The following HECW1 variants were observed in gnomAD, a reference collection of about 807,000 sequenced individuals.
HECW1 encodes E3 ubiquitin-protein ligase HECW1.
HECW1 carries 61 observed loss-of-function variants against 182.3 expected under a neutral mutation model. That is an observed-to-expected ratio of 0.33 (90% CI 0.27 to 0.41). The LOEUF (loss-of-function observed/expected upper bound fraction) is 0.41. Ranked by LOEUF, HECW1 falls within the 10% of genes least tolerant of loss-of-function variation. The pLI is 1.00. For synonymous variants in HECW1, 859 were observed against 832.6 expected (o/e 1.03, Z -0.55); for missense variants, 1,739 against 2,108.9 (o/e 0.82, Z 3.44).
chr7:43,285,228 A>G (rs1285829428), intron 3 of HECW1, among the ~76,000 whole-genome samples: 2 of 152,204 alleles, frequency 1.3e-5, no homozygotes, highest in African/African-American at 2.4e-5. Flanking sequence ...TTAGATATGT[A>G]GACAAACTGG....
At chr7:43,313,522 A>G (rs1040232184) in intron 4 of HECW1, among the ~76,000 whole-genome samples, 4 of 152,256 alleles carry the variant, frequency 2.6e-5, no homozygotes, top group Admixed American at 2.6e-4. Context: ...TTTTTAGTAC[A>G]GACAGGGTTT....
Position 43,299,170 on chromosome 7 carries a change from A to G in HECW1, c.28-12593A>G, listed in dbSNP as rs373068120. Among the ~76,000 whole-genome samples, 163 of 152,380 alleles carry G rather than the reference A, an allele frequency of 1.1e-3. 3 individuals carry two copies. The Middle Eastern group carries it at 0.014, about 13-fold the overall frequency. On this transcript the variant is annotated intron_variant, in intron 3 of 29. Coordinates refer to ENST00000395891, the MANE Select transcript of HECW1 (RefSeq NM_015052.5). ...GTGAGATGATAATCATCGGTTTGCC[A>G]TCTGATAATTGCTACAGAGAGTCAA...
At chr7:43,492,625 G>A (rs942095268) in intron 18 of HECW1, among the ~76,000 whole-genome samples, 4 of 152,082 alleles carry the variant, frequency 2.6e-5, no homozygotes, top group African/African-American at 7.2e-5. Context: ...CACTTGTATC[G>A]AGGAAAATGA....
chr7:43,491,374 G>A (rs1938148749), intron 17 of HECW1, among the ~76,000 whole-genome samples: 1 of 152,180 alleles, frequency 6.6e-6, no homozygotes, highest in African/African-American at 2.4e-5. Context: ...AGCCAGCACA[G>A]TGAATGCAAT....
chr7:43,462,822 AC>A (rs1410830720), intron 13 of HECW1, among the ~76,000 whole-genome samples: 2 of 152,194 alleles, frequency 1.3e-5, no homozygotes, highest in African/African-American at 2.4e-5. Context: ...CCCTTTCCCA[AC>A]AAGCTCCCCA....
At chr7:43,177,249 A>G (rs750013653) in intron 2 of HECW1, among the ~76,000 whole-genome samples, 4 of 152,164 alleles carry the variant, frequency 2.6e-5, no homozygotes, top group Non-Finnish European at 5.9e-5. Flanking sequence ...ATGCCCAGAG[A>G]GGCTTAATGA....
chr7:43,247,977 AGAAG>A (rs1343908954), intron 3 of HECW1, among the ~76,000 whole-genome samples: 7 of 93,702 alleles, frequency 7.5e-5, no homozygotes, highest in Non-Finnish European at 1.3e-4. Context: ...GAGAAAGGAA[AGAAG>A]GAAGGAAGAA....
chr7:43,554,156 G>GT (rs2081943662), intron 28 of HECW1, among the ~76,000 whole-genome samples: 1 of 152,190 alleles, frequency 6.6e-6, no homozygotes. Context: ...GCCTAGACTG[G>GT]TAAGTCCTAG....
intron 3 of HECW1, among the ~76,000 whole-genome samples, chr7:43,250,148 TACAC>T (rs3216963): frequency 0.031 from 4,668 of 151,278 alleles, 140 homozygotes; most frequent in East Asian, 0.19. Context: ...CACACACACA[TACAC>T]ACACACACAG....
chr7:43,496,982 G>T (rs1263673609), intron 19 of HECW1, among the ~76,000 whole-genome samples: 1 of 152,152 alleles, frequency 6.6e-6, no homozygotes, highest in African/African-American at 2.4e-5. Context: ...ACAATCTACT[G>T]AGGGAGACAG....
In HECW1 at chr7:43,312,178, C is replaced by G. The variant is rs1808614057; in HGVS notation, c.352+91C>G. ...AACTCTACAATATAATTAAAATATA[C>G]AAGCAACTGTGTTATATGCCAGATT... On this transcript the variant is annotated intron_variant, in intron 4 of 29. Coordinates refer to ENST00000395891, the MANE Select transcript of HECW1 (RefSeq NM_015052.5). 6 of 1,174,526 alleles carry G rather than the reference C, an allele frequency of 5.1e-6. No homozygotes were observed. In the South Asian group the frequency reaches 9.1e-5, roughly 18 times the overall value. 72.8% of individuals were successfully genotyped at this position (1,174,526 alleles called of 1,614,324 possible). A position where few individuals can be genotyped will look rare whatever the true frequency, so the allele number is the denominator to read the frequency against.
At chr7:43,333,451 A>G (rs1277220683) in intron 5 of HECW1, among the ~76,000 whole-genome samples, 1 of 152,240 alleles carries the variant, frequency 6.6e-6, no homozygotes, top group African/African-American at 2.4e-5. Flanking sequence ...TTCCATTTGT[A>G]TATGCATTTA....
At chr7:43,530,026 T>A (rs575029278) in intron 24 of HECW1, among the ~76,000 whole-genome samples, 1 of 151,894 alleles carries the variant, frequency 6.6e-6, no homozygotes, top group Non-Finnish European at 1.5e-5. Flanking sequence ...CTCGGCTCAC[T>A]GCAACCTCCG....
At chr7:43,246,534 C>G (rs1214073877) in intron 3 of HECW1, among the ~76,000 whole-genome samples, 3 of 152,128 alleles carry the variant, frequency 2.0e-5, no homozygotes, top group Non-Finnish European at 2.9e-5. Context: ...CTAGGTAATT[C>G]TGGTATGCAC....
chr7:43,485,598 A>G (rs999364292), intron 17 of HECW1, among the ~76,000 whole-genome samples: 1 of 152,188 alleles, frequency 6.6e-6, no homozygotes, highest in African/African-American at 2.4e-5. Flanking sequence ...CCTGTACAGC[A>G]TATTAACTGT....
At chr7:43,291,049 G>A (rs1028360904) in intron 3 of HECW1, among the ~76,000 whole-genome samples, 3 of 152,186 alleles carry the variant, frequency 2.0e-5, no homozygotes, top group Non-Finnish European at 4.4e-5. Flanking sequence ...GATCTGCAGG[G>A]GGGAAAAATA....
intron 3 of HECW1, among the ~76,000 whole-genome samples, chr7:43,296,510 C>T (rs925288366): frequency 2.0e-5 from 3 of 152,216 alleles, no homozygotes; most frequent in East Asian, 1.9e-4. Flanking sequence ...AACTTGGCGG[C>T]GCAGCTGTGG....
chr7:43,418,890 A>C (rs1206326184), intron 8 of HECW1, among the ~76,000 whole-genome samples: 6 of 152,160 alleles, frequency 3.9e-5, no homozygotes, highest in Non-Finnish European at 8.8e-5. Flanking sequence ...TATACTGAAG[A>C]GACTCTGGAT....
chr7:43,487,243 A>G (rs1156938492), intron 17 of HECW1, among the ~76,000 whole-genome samples: 2 of 152,190 alleles, frequency 1.3e-5, no homozygotes, highest in Non-Finnish European at 2.9e-5. Flanking sequence ...GCTTTAAGGA[A>G]ACCCACAAGT....
Sources: gnomAD v4.1 joint callset for allele counts (sites outside exome capture counted in the v4.1 genomes callset) on GRCh38, gnomAD v4.1.1 for gene constraint, MANE v1.5 for transcripts, NCBI Gene and HGNC (gene_info 2026-07-23, HGNC 2026-07-21) for gene names.